The following LSM8 variants were observed in gnomAD, a reference collection of about 807,000 sequenced individuals.
The protein encoded by LSM8 is LSM8 homolog, U6 small nuclear RNA associated.
Under a neutral mutation model 15.0 loss-of-function variants are expected in LSM8, and 14 were observed. The observed-to-expected ratio is 0.93, with a 90% CI of 0.62 to 1.46. The LOEUF (loss-of-function observed/expected upper bound fraction) is 1.46, where lower values mean the gene tolerates loss of function less well. Among genes scored for constraint, LSM8 ranks in the 40% most tolerant of loss-of-function variants. LSM8 has a pLI of 0.00. For missense variants in LSM8, 90 were observed against 115.4 expected, an observed-to-expected ratio of 0.78 and a Z score of 1.01; for synonymous variants, 50 against 42.1, an observed-to-expected ratio of 1.19 and a Z score of -0.73.
chr7:118,189,959 G>C (rs745697952), intron 3 of LSM8: 1 of 152,082 alleles, frequency 6.6e-6, no homozygotes, highest in South Asian at 2.1e-4. Context: ...GCCAGTATTA[G>C]TATAGTTATA....
In LSM8 at chr7:118,201,815, T is replaced by A. The variant is rs912201069; in HGVS notation, c.*9813T>A. On this transcript the variant is annotated 3_prime_UTR_variant, in exon 4 of 4. Coordinates refer to ENST00000249299, the MANE Select transcript of LSM8 (RefSeq NM_016200.5). Reference sequence around the variant, plus strand: ...TTTTTCCCTGTAAGGCCATCTTTTGTATGTTTCTGTTTCCATCAAGCAGGC... The same window carrying A: ...TTTTTCCCTGTAAGGCCATCTTTTGAATGTTTCTGTTTCCATCAAGCAGGC... Among the ~76,000 whole-genome samples the A allele has an allele frequency of 2.6e-5, 4 of 152,082 alleles. No homozygotes were observed. The highest frequency in any genetic ancestry group is 5.9e-5 in the Non-Finnish European group (4 of 67,978).
chr7:118,188,402 A>G lies in LSM8; in HGVS notation c.197A>G (p.Asn66Ser). The change falls in exon 3 of 4, where the codon AAC becomes AGC. Residue 66 changes from asparagine to serine, a missense_variant. Coordinates refer to ENST00000249299, the MANE Select transcript of LSM8 (RefSeq NM_016200.5). ...VLGLYIVRGD[N>S]VAVIGEIDEE... ...GGATTATACATTGTAAGAGGTGACA[A>G]CGTGTAAGTAAAATATATCTGTTAA... is the stretch of plus-strand genomic sequence containing the variant. 1 of 1,609,834 alleles carries G rather than the reference A, an allele frequency of 6.2e-7. No homozygotes were observed. Among genetic ancestry groups the G allele is most frequent in the Non-Finnish European group, 8.5e-7 (1 of 1,177,808 alleles).
chr7:118,191,737 A>C, intron 3 of LSM8, 175 bp from the exon 4 acceptor site: 2 of 540,178 alleles, frequency 3.7e-6, no homozygotes, highest in Non-Finnish European at 3.3e-6. Flanking sequence ...TTAAATATGC[A>C]GTTCACTGAC....
chr7:118,191,234 G>A (rs974645512), intron 3 of LSM8: 1 of 152,088 alleles, frequency 6.6e-6, no homozygotes, highest in African/African-American at 2.4e-5. Flanking sequence ...TCCAGTTAGA[G>A]GGCTATGGGT....
chr7:118,197,213 C>G lies in LSM8; in HGVS notation c.*5211C>G, dbSNP rs1310111920. ...TATGTAGGTTTTTTTTTTTTTTCCA[C>G]ATATACTGGCTTTACAAATGCCATA... On this transcript the variant is annotated 3_prime_UTR_variant, in exon 4 of 4. Transcript: ENST00000249299. 6.8e-6 allele frequency among the ~76,000 whole-genome samples: 1 copy of G among 147,070 alleles called. No homozygotes were observed. The highest frequency in any genetic ancestry group is 2.5e-5 in the African/African-American group (1 of 39,772).
In LSM8 at chr7:118,194,593, T is replaced by G. The variant is rs1383074811; in HGVS notation, c.*2591T>G. 6.6e-6 allele frequency among the ~76,000 whole-genome samples: 1 copy of G among 152,176 alleles called. No homozygotes were observed. Among genetic ancestry groups the G allele is most frequent in the Non-Finnish European group, 1.5e-5 (1 of 68,018 alleles). ...GAATTTTTAAGGTAATAATGTGAGA[T>G]ATAAGTATGATAAAAACAACTTTTA... is the stretch of plus-strand genomic sequence containing the variant. On this transcript the variant is annotated 3_prime_UTR_variant, in exon 4 of 4. Transcript: ENST00000249299.
rs563615372 is a variant in LSM8 at position 118,198,485 on chromosome 7, C to G, written c.*6483C>G. ...TACTGCATGACAGTAACAGAGATGA[C>G]ATGCCCGGTAAACTGGTGTTTGAAG... is the stretch of plus-strand genomic sequence containing the variant. On this transcript the variant is annotated 3_prime_UTR_variant, in exon 4 of 4. Coordinates refer to ENST00000249299, the MANE Select transcript of LSM8 (RefSeq NM_016200.5). 2.3e-4 allele frequency among the ~76,000 whole-genome samples: 35 copies of G among 152,286 alleles called. No homozygotes were observed. Among genetic ancestry groups the G allele is most frequent in the Non-Finnish European group, 4.0e-4 (27 of 68,024 alleles).
chr7:118,198,053 CTA>C lies in LSM8; in HGVS notation c.*6053_*6054del, dbSNP rs143511827. 1.3e-3 allele frequency among the ~76,000 whole-genome samples: 195 copies of C among 152,162 alleles called. 1 individual carries two copies. The highest frequency in any genetic ancestry group is 4.4e-3 in the African/African-American group (184 of 41,512). On this transcript the variant is annotated 3_prime_UTR_variant, in exon 4 of 4. Transcript: ENST00000249299. ...CTGATAATTTTGGTGAAAAGAAAAA[CTA>C]TGAAAATTCTGGACAGGACTGGAAA...
Position 118,197,830 on chromosome 7 carries a change from T to C in LSM8, c.*5828T>C, listed in dbSNP as rs1809107164. Among the ~76,000 whole-genome samples, 1 of 152,194 alleles carries C rather than the reference T, an allele frequency of 6.6e-6. No individual in the cohort carries two copies. The highest frequency in any genetic ancestry group is 1.5e-5 in the Non-Finnish European group (1 of 68,022). On this transcript the variant is annotated 3_prime_UTR_variant, in exon 4 of 4. Transcript: ENST00000249299. ...TTTGCAGAGCTTAGCATATTAATCT[T>C]ACCATGTCTTAGTTGCTATGAAAAT...
intron 3 of LSM8, 90 bp downstream of exon 3, chr7:118,188,495 C>A: frequency 8.7e-7 from 1 of 1,153,056 alleles, no homozygotes; most frequent in Non-Finnish European, 1.2e-6. Context: ...CTGTATTGTC[C>A]ATACATAGTT....
intron 3 of LSM8, 112 bp from the exon 4 acceptor site, chr7:118,191,800 A>G (rs1280565236): frequency 9.4e-6 from 7 of 744,772 alleles, no homozygotes; most frequent in East Asian, 5.5e-5. Context: ...GTGCTCTCTC[A>G]GTTTTATTTT....
rs1000929675 is a variant in LSM8, at chr7:118,200,870, G to A, written c.*8868G>A. ...TTTCTACTTGTTTCTTGTAAAAAAG[G>A]AGGTTTCTAAATCTTGACTGTTGAT... On this transcript the variant is annotated 3_prime_UTR_variant, in exon 4 of 4. Coordinates refer to ENST00000249299, the MANE Select transcript of LSM8 (RefSeq NM_016200.5). Among the ~76,000 whole-genome samples the A allele has an allele frequency of 6.6e-6, 1 of 151,996 alleles. No homozygotes were observed. Among genetic ancestry groups the A allele is most frequent in the Non-Finnish European group, 1.5e-5 (1 of 67,974 alleles).
intron 2 of LSM8, among the ~76,000 whole-genome samples, chr7:118,187,105 A>G (rs549567046): frequency 6.6e-6 from 1 of 152,336 alleles, no homozygotes; most frequent in African/African-American, 2.4e-5. Context: ...ATGGATGTTT[A>G]TGATAACAAC....
intron 3 of LSM8, chr7:118,191,655 T>TGTGTACAATG (rs1482940998): frequency 1.2e-4 from 43 of 352,368 alleles, no homozygotes; most frequent in African/African-American, 8.2e-4. Flanking sequence ...ATACAATCAC[T>TGTGTACAATG]GTGTACAATG....
In LSM8 at chr7:118,185,695, G is replaced by T. The variant is rs1346255754; in HGVS notation, c.72+1G>T. The T allele has an allele frequency of 6.2e-7, 1 of 1,608,956 alleles. No individual in the cohort carries two copies. Among genetic ancestry groups the T allele is most frequent in the Admixed American group, 1.7e-5 (1 of 59,700 alleles). Reference sequence around the variant, plus strand: ...TACATCAGATGGGAGAATGATTGTGGTAAGTCTTTGGAATTTTCATTCTCT... The same window carrying T: ...TACATCAGATGGGAGAATGATTGTGTTAAGTCTTTGGAATTTTCATTCTCT... On this transcript the variant is annotated splice_donor_variant, in intron 2 of 3. Transcript: ENST00000249299. LOFTEE classifies it high-confidence loss of function.
intron 1 of LSM8, chr7:118,185,267 TTC>T (rs1332947838): frequency 6.3e-6 from 1 of 159,272 alleles, no homozygotes; most frequent in Non-Finnish European, 1.4e-5. Flanking sequence ...TTTTTTTTTT[TTC>T]TTTTTTTGAG....
Position 118,191,899 on chromosome 7 carries a change from C to T in LSM8, c.201-13C>T, listed in dbSNP as rs758909992. The T allele has an allele frequency of 1.3e-6, 2 of 1,590,950 alleles. No individual in the cohort carries two copies. Among genetic ancestry groups the T allele is most frequent in the South Asian group, 1.1e-5 (1 of 89,192 alleles). ...TTTCAGAAATGTGATTGTTTTAACT[C>T]TGACTTTTTTAGTGCAGTCATTGGA... is the stretch of plus-strand genomic sequence containing the variant. On this transcript the variant is annotated splice_polypyrimidine_tract_variant and intron_variant, in intron 3 of 3. Transcript: ENST00000249299.
In LSM8 at chr7:118,198,411, A is replaced by G. The variant is rs1378472469; in HGVS notation, c.*6409A>G. Among the ~76,000 whole-genome samples, 3 of 152,226 alleles carry G rather than the reference A, an allele frequency of 2.0e-5. No homozygotes were observed. Among genetic ancestry groups the G allele is most frequent in the African/African-American group, 7.2e-5 (3 of 41,468 alleles). ...AAATGAAATTCTACATTAAAGAAAG[A>G]AGAATAAACCTTAACAACTCATTAG... On this transcript the variant is annotated 3_prime_UTR_variant, in exon 4 of 4. Transcript: ENST00000249299.
rs1185742088 is a variant in LSM8 at position 118,197,330 on chromosome 7, C to G, written c.*5328C>G. Among the ~76,000 whole-genome samples the G allele has an allele frequency of 6.6e-6, 1 of 151,798 alleles. No individual in the cohort carries two copies. Among genetic ancestry groups the G allele is most frequent in the Non-Finnish European group, 1.5e-5 (1 of 67,990 alleles). On this transcript the variant is annotated 3_prime_UTR_variant, in exon 4 of 4. Coordinates refer to ENST00000249299, the MANE Select transcript of LSM8 (RefSeq NM_016200.5). ...GGGTGGGGAGACAACTCCAGGGACA[C>G]AATACATTGTGTCTTGTATTAAAAA... is the stretch of plus-strand genomic sequence containing the variant.
Sources: allele counts gnomAD v4.1 joint callset (sites outside exome capture counted in the v4.1 genomes callset), GRCh38; gene constraint gnomAD v4.1.1; transcripts MANE v1.5; gene names NCBI Gene and HGNC (gene_info 2026-07-23, HGNC 2026-07-21).